RELN: variants seen among roughly 807,000 people sequenced by gnomAD.
RELN encodes reelin.
Under a neutral mutation model 427.6 loss-of-function variants are expected in RELN, and 108 were observed. The observed-to-expected ratio is 0.25, with a 90% CI of 0.22 to 0.30. RELN has a LOEUF of 0.30. RELN is among the 10% of genes least tolerant of loss of function. The probability of loss-of-function intolerance (pLI) is 1.00; values close to 1 mark genes in which losing one functional copy is unlikely to be tolerated. For missense variants in RELN, 3,715 were observed against 4,302.8 expected, an observed-to-expected ratio of 0.86 and a Z score of 3.82; for synonymous variants, 1,524 against 1,513.4, an observed-to-expected ratio of 1.01 and a Z score of -0.16.
At chr7:103,845,379 C>T (rs1383238638) in intron 2 of RELN, among the ~76,000 whole-genome samples, 10 of 152,080 alleles carry the variant, frequency 6.6e-5, no homozygotes, top group Admixed American at 2.0e-4. Context: ...ACAGCATTTG[C>T]CATGTTGGCC....
intron 11 of RELN, among the ~76,000 whole-genome samples, chr7:103,667,840 AG>A (rs1371136281): frequency 1.3e-5 from 2 of 152,356 alleles, no homozygotes; most frequent in East Asian, 3.9e-4. Flanking sequence ...AAGACTATCC[AG>A]GGAAATAATT....
rs60259062 is a variant in RELN at position 103,926,627 on chromosome 7, G to GTTTT, written c.227-9446_227-9443dup. 2.8e-3 allele frequency among the ~76,000 whole-genome samples: 279 copies of GTTTT among 99,394 alleles called. 21 individuals carry two copies. The highest frequency in any genetic ancestry group is 3.7e-3 in the African/African-American group (103 of 28,128). 65.2% of individuals were successfully genotyped at this position (99,394 alleles called of 152,430 possible). A position where few individuals can be genotyped will look rare whatever the true frequency, so the allele number is the denominator to read the frequency against. On this transcript the variant is annotated intron_variant, in intron 1 of 64. Coordinates refer to ENST00000428762, the MANE Select transcript of RELN (RefSeq NM_005045.4). ...CGAACGCAGCTCTAAAGTATCATAA[G>GTTTT]TTTTTTTTTTTTTTTTTTTTTTTTT... is the stretch of plus-strand genomic sequence containing the variant.
intron 38 of RELN, among the ~76,000 whole-genome samples, chr7:103,555,220 A>G (rs760784750): frequency 1.2e-4 from 18 of 152,154 alleles, no homozygotes; most frequent in Admixed American, 2.6e-4. Context: ...CCTTGAAAAA[A>G]GGTGATAAGT....
intron 6 of RELN, 121 bp from the exon 7 acceptor site, chr7:103,728,328 G>A (rs1248628962): frequency 1.2e-5 from 11 of 929,564 alleles, no homozygotes; most frequent in Non-Finnish European, 1.9e-5. Flanking sequence ...TTTGAGGAAA[G>A]TAGGAGTATT....
intron 11 of RELN, among the ~76,000 whole-genome samples, chr7:103,673,126 GTA>G (rs1413595307): frequency 1.3e-5 from 2 of 151,910 alleles, no homozygotes; most frequent in Non-Finnish European, 2.9e-5. Context: ...CACATTACTG[GTA>G]TGTTTGAATT....
rs75702468 is a variant in RELN, at chr7:103,736,576, G to A, written c.657-8369C>T. ...ATTTCTCTAGGGAGTTAAAAAATTCGATCTCGTCTTCATTAACAGGTACGA... is the reference window on the plus strand; with the variant it reads ...ATTTCTCTAGGGAGTTAAAAAATTCAATCTCGTCTTCATTAACAGGTACGA... On this transcript the variant is annotated intron_variant, in intron 6 of 64. Transcript: ENST00000428762. 7.1e-3 allele frequency among the ~76,000 whole-genome samples: 1,083 copies of A among 152,146 alleles called. 17 individuals carry two copies. Among genetic ancestry groups the A allele is most frequent in the African/African-American group, 0.025 (1,034 of 41,496 alleles).
intron 6 of RELN, among the ~76,000 whole-genome samples, chr7:103,728,793 G>A (rs1402219694): frequency 1.3e-5 from 2 of 152,036 alleles, no homozygotes; most frequent in Admixed American, 6.6e-5. Context: ...GCATGTATAC[G>A]TTCCACCATG....
chr7:103,580,334 C>T (rs568932753), intron 28 of RELN, among the ~76,000 whole-genome samples: 1 of 152,324 alleles, frequency 6.6e-6, no homozygotes, highest in Non-Finnish European at 1.5e-5. Flanking sequence ...GGCTCTTCAT[C>T]ACAAATGCCA....
In RELN at chr7:103,603,424, T is replaced by G; in HGVS notation, c.3213A>C (p.Ser1071=). The change falls in exon 24 of 65, where the codon TCA becomes TCC. Residue 1071 remains serine, a synonymous_variant. Coordinates refer to ENST00000428762, the MANE Select transcript of RELN (RefSeq NM_005045.4). The surrounding 1 kb of genome is among the most constrained non-coding windows in gnomAD (Gnocchi z 4.3). ...PEAALPSTIM[S]DFENQNGWES... The stretch of plus-strand genomic sequence containing the variant: ...CCCAGCCATTCTGGTTCTCAAAATC[T>G]GACATAATTGTGGACGGAAGGGCAG... 6.2e-7 allele frequency: 1 copy of G among 1,613,924 alleles called. No individual in the cohort carries two copies. Among genetic ancestry groups the G allele is most frequent in the Non-Finnish European group, 8.5e-7 (1 of 1,179,858 alleles).
In RELN at chr7:103,565,269, A is replaced by G; in HGVS notation, c.5210+9T>C. 1.2e-6 allele frequency: 2 copies of G among 1,614,100 alleles called. No individual in the cohort carries two copies. The highest frequency in any genetic ancestry group is 1.7e-6 in the Non-Finnish European group (2 of 1,179,970). Reference sequence around the variant, plus strand: ...AAGTTCTGACATGTAGCCAAATGACAATTCTCACATGGTGGAGAGTGGAAG... The same window carrying G: ...AAGTTCTGACATGTAGCCAAATGACGATTCTCACATGGTGGAGAGTGGAAG... On this transcript the variant is annotated intron_variant, in intron 34 of 64. Coordinates refer to ENST00000428762, the MANE Select transcript of RELN (RefSeq NM_005045.4).
At chr7:103,667,595 C>T (rs1387050565) in intron 11 of RELN, among the ~76,000 whole-genome samples, 1 of 152,122 alleles carries the variant, frequency 6.6e-6, no homozygotes, top group Non-Finnish European at 1.5e-5. Context: ...ATCAAAGTGT[C>T]TCTAAGCAAT....
intron 8 of RELN, among the ~76,000 whole-genome samples, chr7:103,718,161 C>T (rs1024331274): frequency 1.3e-5 from 2 of 151,898 alleles, no homozygotes; most frequent in African/African-American, 4.8e-5. Flanking sequence ...AAAATACACT[C>T]GTGTAAACAG....
At chr7:103,872,304 A>C (rs1385602419) in intron 2 of RELN, among the ~76,000 whole-genome samples, 2 of 134,398 alleles carry the variant, frequency 1.5e-5, no homozygotes, top group Non-Finnish European at 3.2e-5. Flanking sequence ...ATAAGTGAGA[A>C]TATGCGGTGT....
intron 2 of RELN, among the ~76,000 whole-genome samples, chr7:103,878,425 C>A (rs1465528692): frequency 2.0e-5 from 3 of 152,132 alleles, no homozygotes; most frequent in Non-Finnish European, 4.4e-5. Context: ...ATCTCCTTCT[C>A]CCAACTTCTA....
intron 1 of RELN, among the ~76,000 whole-genome samples, chr7:103,978,387 C>A (rs1796924945): frequency 6.6e-6 from 1 of 152,190 alleles, no homozygotes; most frequent in Admixed American, 6.5e-5. Flanking sequence ...CACGTTGTCA[C>A]AAATGAAAAG....
intron 10 of RELN, among the ~76,000 whole-genome samples, chr7:103,691,445 C>T (rs527677496): frequency 6.6e-6 from 1 of 152,108 alleles, no homozygotes; most frequent in Non-Finnish European, 1.5e-5. Flanking sequence ...ACATTATTTT[C>T]AAGATCAGCA....
intron 22 of RELN, among the ~76,000 whole-genome samples, chr7:103,605,501 G>A (rs1831797237): frequency 6.6e-6 from 1 of 152,096 alleles, no homozygotes; most frequent in Admixed American, 6.6e-5. Flanking sequence ...ATGTCAAGAA[G>A]GTGTCTGTCT....
At chr7:103,687,622 G>A (rs1833790170) in intron 10 of RELN, among the ~76,000 whole-genome samples, 1 of 152,078 alleles carries the variant, frequency 6.6e-6, no homozygotes, top group South Asian at 2.1e-4. Flanking sequence ...CACTATGCAA[G>A]CTATTGTGCT....
At chr7:103,632,420 T>C (rs73402452) in intron 19 of RELN, among the ~76,000 whole-genome samples, 8,502 of 152,264 alleles carry the variant, frequency 0.056, 812 homozygotes, top group African/African-American at 0.19. Context: ...CTGATAGAGA[T>C]GTGAGTACAG....
Sources: gnomAD v4.1 joint callset for allele counts (sites outside exome capture counted in the v4.1 genomes callset) on GRCh38, gnomAD v4.1.1 for gene constraint, Gnocchi (gnomAD v3.1) non-coding constraint, MANE v1.5 for transcripts, NCBI Gene and HGNC (gene_info 2026-07-23, HGNC 2026-07-21) for gene names.